Variants in KLRK1 observed in about 807,000 individuals in gnomAD.
KLRK1 encodes the protein killer cell lectin like receptor K1.
A neutral mutation model predicts 31.3 loss-of-function variants in KLRK1; 40 were observed. That is an observed-to-expected ratio of 1.28 (90% CI 0.99 to 1.67). The LOEUF (loss-of-function observed/expected upper bound fraction) is 1.67, where lower values mean the gene tolerates loss of function less well. Among genes scored for constraint, KLRK1 ranks in the 40% most tolerant of loss-of-function variants. The pLI is 0.00. For missense variants in KLRK1, 251 were observed against 260.0 expected, an observed-to-expected ratio of 0.97 and a Z score of 0.24; for synonymous variants, 77 against 77.3, an observed-to-expected ratio of 1.00 and a Z score of 0.02.
Position 10,373,309 on chromosome 12 carries a change from C to G in KLRK1, c.534-78G>C. ...ATAAAAATGAATCATACCTATTGAACTTCAAATACAGGAACTTAATACCAT... is the reference window on the plus strand; with the variant it reads ...ATAAAAATGAATCATACCTATTGAAGTTCAAATACAGGAACTTAATACCAT... On this transcript the variant is annotated intron_variant, in intron 7 of 7. Transcript: ENST00000240618. 7 of 1,252,218 alleles carry G rather than the reference C, an allele frequency of 5.6e-6. No homozygotes were observed. The South Asian group carries it at 1.1e-4, about 20-fold the overall frequency. The allele number at this position is 1,252,218 out of a possible 1,614,324, so 77.6% of individuals were successfully genotyped here.
chr12:10,374,866 C>T (rs1425974437), intron 7 of KLRK1, among the ~76,000 whole-genome samples: 1 of 152,144 alleles, frequency 6.6e-6, no homozygotes, highest in Non-Finnish European at 1.5e-5. Flanking sequence ...CTGTAGTTAT[C>T]TCTGCATAAT....
Position 10,373,145 on chromosome 12 carries a change from TTTGGAG to T in KLRK1, c.614_619del (p.Thr205_Pro206del), listed in dbSNP as rs1333234072. On this transcript the variant is annotated inframe_deletion, in exon 8 of 8. Transcript: ENST00000240618. ...AGTCCTTTGCATGCAGATGTACGTA[TTTGGAG>T]TTGAACAGTTTTCTATATAGCCTTT... 3 of 1,612,390 alleles carry T rather than the reference TTTGGAG, an allele frequency of 1.9e-6. No individual in the cohort carries two copies. The highest frequency in any genetic ancestry group is 2.2e-5 in the East Asian group (1 of 44,762).
intron 7 of KLRK1, among the ~76,000 whole-genome samples, chr12:10,374,397 C>CTTTTTTTTTTTTTT (rs35414446): frequency 7.6e-6 from 1 of 131,856 alleles, no homozygotes; most frequent in African/African-American, 3.0e-5. Flanking sequence ...TCCTCTCTCT[C>CTTTTTTTTTTTTTT]TTTTTTTTTT....
chr12:10,382,876 T>G (rs1328538344), intron 3 of KLRK1, among the ~76,000 whole-genome samples: 1 of 152,288 alleles, frequency 6.6e-6, no homozygotes, highest in South Asian at 2.1e-4. Context: ...AGTTGTTTAG[T>G]TTTTTCTTTT....
rs911903474 is a variant in KLRK1, at chr12:10,379,604, T to C, written c.241+96A>G. ...GTGACAAAGATACATTTAATATTTC[T>C]AGTTTATGTGTCTGTGTTTATGAAT... is the stretch of plus-strand genomic sequence containing the variant. On this transcript the variant is annotated intron_variant, in intron 4 of 7. Coordinates refer to ENST00000240618, the MANE Select transcript of KLRK1 (RefSeq NM_007360.4). The C allele has an allele frequency of 1.3e-5, 18 of 1,357,130 alleles. No individual in the cohort carries two copies. The South Asian group carries it at 2.4e-4, about 18-fold the overall frequency. 84.1% of individuals were successfully genotyped at this position (1,357,130 alleles called of 1,614,324 possible).
At chr12:10,388,697 A>T (rs755190931) in intron 2 of KLRK1, 74 bp downstream of exon 2, 18 of 1,585,762 alleles carry the variant, frequency 1.1e-5, no homozygotes, top group Non-Finnish European at 1.6e-5. Context: ...TATGCCTTAT[A>T]TGCTTGTATG....
chr12:10,382,577 A>G (rs1161750802), intron 3 of KLRK1, among the ~76,000 whole-genome samples: 1 of 152,214 alleles, frequency 6.6e-6, no homozygotes, highest in African/African-American at 2.4e-5. Context: ...CCTGTCTTAC[A>G]TGATATGCTA....
chr12:10,386,395 A>C (rs76874043), intron 3 of KLRK1, among the ~76,000 whole-genome samples: 12,058 of 152,070 alleles, frequency 0.079, 535 homozygotes, highest in Middle Eastern at 0.15. Flanking sequence ...TTAGTTTTTA[A>C]TAAAAATTGA....
intron 7 of KLRK1, chr12:10,374,212 C>T (rs1015793291): frequency 1.3e-5 from 2 of 152,062 alleles, no homozygotes; most frequent in African/African-American, 4.8e-5. Flanking sequence ...TGGTGTTTCA[C>T]TACGTTGCCA....
intron 7 of KLRK1, chr12:10,373,941 T>G (rs747320212): frequency 6.6e-6 from 1 of 152,164 alleles, no homozygotes; most frequent in African/African-American, 2.4e-5. Flanking sequence ...AAAAAGACGA[T>G]GTAATGATCT....
chr12:10,379,929 A>C (rs1486364719), intron 3 of KLRK1, 137 bp from the exon 4 acceptor site: 6 of 665,834 alleles, frequency 9.0e-6, no homozygotes, highest in Non-Finnish European at 1.2e-5. Context: ...TTTTTTCCAG[A>C]ACAGAACATA....
chr12:10,382,584 G>T (rs1413177604), intron 3 of KLRK1, among the ~76,000 whole-genome samples: 2 of 152,102 alleles, frequency 1.3e-5, no homozygotes, highest in Non-Finnish European at 2.9e-5. Context: ...TACATGATAT[G>T]CTAAAGAGAG....
Position 10,388,877 on chromosome 12 carries a change from T to C in KLRK1, c.-65-2A>G, listed in dbSNP as rs890053204. ...AAGTCTTCAATGCACAAAGGATTCCTGAATAAAATAAAACTGGGCATTTGT... is the reference window on the plus strand; with the variant it reads ...AAGTCTTCAATGCACAAAGGATTCCCGAATAAAATAAAACTGGGCATTTGT... On this transcript the variant is annotated splice_acceptor_variant, in intron 1 of 7. Coordinates refer to ENST00000240618, the MANE Select transcript of KLRK1 (RefSeq NM_007360.4). LOFTEE classifies it low-confidence loss of function (5UTR_SPLICE). The C allele has an allele frequency of 3.2e-6, 5 of 1,585,480 alleles. No individual in the cohort carries two copies. The African/African-American group carries it at 4.0e-5, about 13-fold the overall frequency.
intron 3 of KLRK1, chr12:10,382,218 A>G (rs1863088666): frequency 6.6e-6 from 1 of 152,292 alleles, no homozygotes; most frequent in Admixed American, 6.6e-5. Context: ...CCAGAGAAAG[A>G]TATGAATAAC....
In KLRK1 at chr12:10,373,061, G is replaced by T. The variant is rs1862891976; in HGVS notation, c.*53C>A. On this transcript the variant is annotated 3_prime_UTR_variant, in exon 8 of 8. Transcript: ENST00000240618. ...TTTAGTCTCAGTTGGCAGTGTTACC[G>T]CTGGTGTAATCTCTTCTCTGTTCCT... The T allele has an allele frequency of 6.7e-7, 1 of 1,496,640 alleles. No individual in the cohort carries two copies. The highest frequency in any genetic ancestry group is 9.2e-7 in the Non-Finnish European group (1 of 1,083,972). The allele number at this position is 1,496,640 out of a possible 1,614,324, so 92.7% of individuals were successfully genotyped here.
At chr12:10,383,255 G>T (rs1863109388) in intron 3 of KLRK1, among the ~76,000 whole-genome samples, 1 of 151,908 alleles carries the variant, frequency 6.6e-6, no homozygotes, top group African/African-American at 2.4e-5. Context: ...TTGCCTACAA[G>T]AAACCCACTT....
Position 10,373,079 on chromosome 12 carries a change from C to G in KLRK1, c.*35G>C, listed in dbSNP as rs147983210. The G allele has an allele frequency of 2.0e-5, 32 of 1,587,838 alleles. No individual in the cohort carries two copies. Among genetic ancestry groups the G allele is most frequent in the Non-Finnish European group, 2.6e-5 (30 of 1,159,062 alleles). On this transcript the variant is annotated 3_prime_UTR_variant, in exon 8 of 8. Transcript: ENST00000240618. ...TGTTACCGCTGGTGTAATCTCTTCT[C>G]TGTTCCTGGCTTTTATTGAGATGGT...
chr12:10,385,329 C>T (rs541145545), intron 3 of KLRK1, among the ~76,000 whole-genome samples: 48 of 148,692 alleles, frequency 3.2e-4, no homozygotes, highest in Non-Finnish European at 5.2e-4. Flanking sequence ...ATGGAATTAA[C>T]CTGTGTCCAT....
intron 2 of KLRK1, among the ~76,000 whole-genome samples, chr12:10,387,997 T>C (rs972205598): frequency 6.6e-6 from 1 of 152,246 alleles, no homozygotes; most frequent in African/African-American, 2.4e-5. Context: ...ATGATTAATA[T>C]TTACTTAAAA....
Sources: allele counts gnomAD v4.1 joint callset (sites outside exome capture counted in the v4.1 genomes callset), GRCh38; gene constraint gnomAD v4.1.1; transcripts MANE v1.5; gene names NCBI Gene and HGNC (gene_info 2026-07-23, HGNC 2026-07-21).